Variants in NAALADL2 observed in about 807,000 individuals in gnomAD.
NAALADL2 encodes the protein N-acetylated alpha-linked acidic dipeptidase like 2, also known as inactive N-acetylated-alpha-linked acidic dipeptidase-like protein 2.
A neutral mutation model predicts 87.2 loss-of-function variants in NAALADL2; 76 were observed. The ratio of observed to expected loss-of-function variants is 0.87; its 90% CI spans 0.72 to 1.05. The LOEUF (loss-of-function observed/expected upper bound fraction) is 1.05, where lower values mean the gene tolerates loss of function less well. NAALADL2 is among the 50% of genes least tolerant of loss of function. NAALADL2 has a pLI of 0.00. For synonymous variants in NAALADL2, 354 were observed against 331.0 expected, an observed-to-expected ratio of 1.07 and a Z score of -0.75; for missense variants, 1,089 against 945.8, an observed-to-expected ratio of 1.15 and a Z score of -1.99.
intron 2 of NAALADL2, among the ~76,000 whole-genome samples, chr3:174,608,744 A>G (rs866556223): frequency 0.51 from 70,302 of 137,650 alleles, 19,050 homozygotes; most frequent in Non-Finnish European, 0.59. Context: ...ACAAGGAGGA[A>G]GTGGTACCAT....
upstream of NAALADL2, among the ~76,000 whole-genome samples, chr3:174,857,373 T>G (rs1463421387): frequency 6.6e-6 from 1 of 152,106 alleles, no homozygotes; most frequent in Non-Finnish European, 1.5e-5. Context: ...ACCTTTCTGG[T>G]GTTTATATTT....
chr3:174,473,035 A>G (rs1314600810), intron 1 of NAALADL2, among the ~76,000 whole-genome samples: 1 of 152,188 alleles, frequency 6.6e-6, no homozygotes, highest in African/African-American at 2.4e-5. Flanking sequence ...TAAAGAGGGA[A>G]TAATGTTTGG....
At chr3:174,833,806 A>G (rs963163187) in intron 3 of NAALADL2, among the ~76,000 whole-genome samples, 3 of 151,328 alleles carry the variant, frequency 2.0e-5, no homozygotes, top group Non-Finnish European at 4.4e-5. Flanking sequence ...GGACAACTAT[A>G]TAATTATCTA....
intron 1 of NAALADL2, among the ~76,000 whole-genome samples, chr3:175,083,117 T>C (rs570189869): frequency 5.9e-5 from 9 of 152,312 alleles, no homozygotes; most frequent in African/African-American, 2.2e-4. Flanking sequence ...TTAAGGAACT[T>C]GATGTTGGTA....
intron 5 of NAALADL2, among the ~76,000 whole-genome samples, chr3:175,338,471 C>T (rs1362491173): frequency 6.6e-6 from 1 of 151,398 alleles, no homozygotes; most frequent in African/African-American, 2.4e-5. Flanking sequence ...ATTGGTTCTG[C>T]GTAGGTCCCC....
intron 1 of NAALADL2, among the ~76,000 whole-genome samples, chr3:175,044,995 A>G (rs1410061133): frequency 6.6e-6 from 1 of 151,618 alleles, no homozygotes; most frequent in African/African-American, 2.4e-5. Context: ...ATGATATTTC[A>G]GATGTTTATA....
intron 5 of NAALADL2, among the ~76,000 whole-genome samples, chr3:175,390,133 T>C (rs1336245340): frequency 6.6e-6 from 1 of 151,588 alleles, no homozygotes; most frequent in Non-Finnish European, 1.5e-5. Context: ...AAAAAAAAAA[T>C]AGAACTTTTA....
intron 2 of NAALADL2, among the ~76,000 whole-genome samples, chr3:175,155,967 A>G (rs1732255767): frequency 6.6e-6 from 1 of 152,236 alleles, no homozygotes; most frequent in Non-Finnish European, 1.5e-5. Flanking sequence ...GGAAAAGTAA[A>G]CAAGTGCTTA....
At chr3:175,020,932 T>C (rs995048099) in intron 1 of NAALADL2, among the ~76,000 whole-genome samples, 1 of 152,068 alleles carries the variant, frequency 6.6e-6, no homozygotes, top group Non-Finnish European at 1.5e-5. Flanking sequence ...TGGTTTGCAA[T>C]AGCATATTCA....
At chr3:175,623,186 A>G (rs1301341359) in intron 10 of NAALADL2, among the ~76,000 whole-genome samples, 1 of 152,124 alleles carries the variant, frequency 6.6e-6, no homozygotes, top group Non-Finnish European at 1.5e-5. Context: ...TAAGTTAGAT[A>G]TCTTTTGACA....
intron 2 of NAALADL2, among the ~76,000 whole-genome samples, chr3:174,606,004 C>A (rs1230131524): frequency 6.6e-6 from 1 of 152,144 alleles, no homozygotes; most frequent in Non-Finnish European, 1.5e-5. Context: ...GCAGCATTTG[C>A]GGTTCATGAA....
intron 9 of NAALADL2, among the ~76,000 whole-genome samples, chr3:175,575,369 C>G (rs1718711846): frequency 6.6e-6 from 1 of 152,114 alleles, no homozygotes; most frequent in South Asian, 2.1e-4. Context: ...ACTGCAACCT[C>G]TGCCTCCTGG....
intron 1 of NAALADL2, among the ~76,000 whole-genome samples, chr3:174,451,863 T>G (rs1403748141): frequency 1.4e-5 from 2 of 145,628 alleles, no homozygotes; most frequent in East Asian, 2.0e-4. Flanking sequence ...TTTTTTTTTT[T>G]TTTTTTTTTG....
At chr3:175,592,155 A>G (rs978061114) in intron 10 of NAALADL2, among the ~76,000 whole-genome samples, 7 of 152,262 alleles carry the variant, frequency 4.6e-5, no homozygotes, top group African/African-American at 1.7e-4. Context: ...CTTTCTGGGT[A>G]TAATGGTATC....
chr3:174,582,617 T>A (rs1376355311), intron 2 of NAALADL2, among the ~76,000 whole-genome samples: 1 of 152,216 alleles, frequency 6.6e-6, no homozygotes, highest in African/African-American at 2.4e-5. Context: ...AGTCTCACTT[T>A]GTTGCCCAGG....
chr3:175,528,963 ATTCCCTTTGCC>A (rs1026089706), intron 9 of NAALADL2, among the ~76,000 whole-genome samples: 25 of 151,988 alleles, frequency 1.6e-4, no homozygotes, highest in African/African-American at 6.1e-4. Flanking sequence ...CCCATTCTGT[ATTCCCTTTGCC>A]TTCAGCAAGC....
At chr3:175,016,911 G>A (rs1019518719) in intron 1 of NAALADL2, among the ~76,000 whole-genome samples, 2 of 151,782 alleles carry the variant, frequency 1.3e-5, no homozygotes, top group Admixed American at 6.6e-5. Flanking sequence ...ATTTTCTTTT[G>A]TTGGGAACAT....
intron 13 of NAALADL2, among the ~76,000 whole-genome samples, chr3:175,759,769 A>C (rs1008874869): frequency 6.6e-6 from 1 of 152,160 alleles, no homozygotes; most frequent in Non-Finnish European, 1.5e-5. Flanking sequence ...GACACAAAGG[A>C]GAAGTTGTGT....
At chr3:175,163,504 G>C (rs1477654436) in intron 2 of NAALADL2, among the ~76,000 whole-genome samples, 1 of 151,876 alleles carries the variant, frequency 6.6e-6, no homozygotes, top group Admixed American at 6.6e-5. Context: ...TTAATGTGAA[G>C]ATAGAGGGGA....
Sources: gnomAD v4.1 joint callset for allele counts (sites outside exome capture counted in the v4.1 genomes callset) on GRCh38, gnomAD v4.1.1 for gene constraint, MANE v1.5 for transcripts, NCBI Gene and HGNC (gene_info 2026-07-23, HGNC 2026-07-21) for gene names.